Variants in AGBL4 observed in about 807,000 individuals in gnomAD.
AGBL4 encodes cytosolic carboxypeptidase 6.
In AGBL4, 58 loss-of-function variants were observed where a neutral mutation model predicts 66.4. The observed-to-expected ratio is 0.87, with a 90% confidence interval of 0.71 to 1.09. AGBL4 has a LOEUF of 1.09. AGBL4 is among the 50% of genes least tolerant of loss of function. The probability of loss-of-function intolerance (pLI) is 0.00; values close to 1 mark genes in which losing one functional copy is unlikely to be tolerated. For synonymous variants in AGBL4, 234 were observed against 222.9 expected (o/e 1.05, Z -0.44); for missense variants, 579 against 631.0 (o/e 0.92, Z 0.88).
At chr1:48,575,679 T>C (rs1183667868) in intron 11 of AGBL4, among the ~76,000 whole-genome samples, 1 of 152,222 alleles carries the variant, frequency 6.6e-6, no homozygotes, top group Non-Finnish European at 1.5e-5. Context: ...CTCATCCTTC[T>C]AGACTTGGTA....
chr1:49,509,383 G>T (rs1050315095), intron 3 of AGBL4, among the ~76,000 whole-genome samples: 3 of 151,894 alleles, frequency 2.0e-5, no homozygotes, highest in African/African-American at 4.8e-5. Flanking sequence ...ACCTGTGGAG[G>T]TGTTTTATTT....
At chr1:49,270,897 G>A (rs1239349548) in intron 3 of AGBL4, among the ~76,000 whole-genome samples, 2 of 152,078 alleles carry the variant, frequency 1.3e-5, no homozygotes, top group Non-Finnish European at 1.5e-5. Flanking sequence ...AAACATAATA[G>A]TGCCATGATT....
chr1:48,632,028 A>G (rs1645602323), intron 9 of AGBL4, among the ~76,000 whole-genome samples: 2 of 152,164 alleles, frequency 1.3e-5, no homozygotes, highest in African/African-American at 4.8e-5. Context: ...CTTTTTCACT[A>G]GTAGAACCTC....
intron 3 of AGBL4, among the ~76,000 whole-genome samples, chr1:49,611,341 T>C (rs1645150661): frequency 6.6e-6 from 1 of 151,004 alleles, no homozygotes; most frequent in Non-Finnish European, 1.5e-5. Flanking sequence ...ACACGGTGAA[T>C]AGCCCAGTGG....
rs142303736 is a variant in AGBL4, at chr1:48,681,617, T to G, written c.635-18376A>C. On this transcript the variant is annotated intron_variant, in intron 6 of 13. Transcript: ENST00000371839. ...TCGAGTTAACCTCCCAAGTCCTTGATGGAATCAGCCCAGGCTGATGACTAA... is the reference window on the plus strand; with the variant it reads ...TCGAGTTAACCTCCCAAGTCCTTGAGGGAATCAGCCCAGGCTGATGACTAA... 3.7e-4 allele frequency among the ~76,000 whole-genome samples: 56 copies of G among 152,304 alleles called. No individual in the cohort carries two copies. The East Asian group carries it at 8.1e-3, about 22-fold the overall frequency.
At chr1:49,336,469 C>A (rs1645439390) in intron 3 of AGBL4, among the ~76,000 whole-genome samples, 1 of 152,280 alleles carries the variant, frequency 6.6e-6, no homozygotes, top group Admixed American at 6.5e-5. Context: ...TGATGTTTAA[C>A]CAAATATCTG....
chr1:49,235,912 C>T (rs780970740), intron 4 of AGBL4, among the ~76,000 whole-genome samples: 1 of 152,082 alleles, frequency 6.6e-6, no homozygotes, highest in Non-Finnish European at 1.5e-5. Context: ...AAAATATAAA[C>T]TCAAGTCTAT....
rs77692973 is a variant in AGBL4 at position 48,797,198 on chromosome 1, T to C, written c.634+69993A>G. Among the ~76,000 whole-genome samples, 1,241 of 152,330 alleles carry C rather than the reference T, an allele frequency of 8.1e-3. 8 individuals carry two copies. Among genetic ancestry groups the C allele is most frequent in the Non-Finnish European group, 0.013 (893 of 68,022 alleles). ...CTTGTTCCCATTTCAGAATCCTTTCTAATTAATTTTACCAAAGCATAATGA... is the reference window on the plus strand; with the variant it reads ...CTTGTTCCCATTTCAGAATCCTTTCCAATTAATTTTACCAAAGCATAATGA... On this transcript the variant is annotated intron_variant, in intron 6 of 13. Transcript: ENST00000371839.
chr1:48,753,072 A>G (rs1235161204), intron 6 of AGBL4, among the ~76,000 whole-genome samples: 1 of 152,190 alleles, frequency 6.6e-6, no homozygotes, highest in Admixed American at 6.5e-5. Context: ...AAGAACCATA[A>G]TAGCTGATAC....
At chr1:48,852,175 G>A (rs941185451) in intron 6 of AGBL4, among the ~76,000 whole-genome samples, 1 of 152,004 alleles carries the variant, frequency 6.6e-6, no homozygotes, top group African/African-American at 2.4e-5. Flanking sequence ...AGATCAAATG[G>A]CAGATCTAAG....
intron 9 of AGBL4, among the ~76,000 whole-genome samples, chr1:48,618,591 A>G (rs1389779268): frequency 3.9e-5 from 6 of 152,342 alleles, no homozygotes; most frequent in South Asian, 2.1e-4. Context: ...CTGAGATCCT[A>G]GAAGGCCAGA....
chr1:48,587,604 T>A (rs569804289), intron 10 of AGBL4, among the ~76,000 whole-genome samples: 85 of 150,530 alleles, frequency 5.6e-4, no homozygotes, highest in African/African-American at 2.0e-3. Context: ...CTCTATTCTT[T>A]TTATTATTAT....
intron 3 of AGBL4, among the ~76,000 whole-genome samples, chr1:49,278,796 A>G (rs1157154887): frequency 1.3e-5 from 2 of 152,164 alleles, no homozygotes; most frequent in African/African-American, 4.8e-5. Flanking sequence ...AATAAAAATA[A>G]ATATTTATTT....
intron 5 of AGBL4, among the ~76,000 whole-genome samples, chr1:48,872,919 G>A (rs2148831045): frequency 1.3e-5 from 2 of 152,294 alleles, no homozygotes; most frequent in East Asian, 1.9e-4. Flanking sequence ...GCAGAGTGGG[G>A]GAATGCACTG....
chr1:49,896,962 A>G (rs1649287513), intron 1 of AGBL4, among the ~76,000 whole-genome samples: 1 of 152,048 alleles, frequency 6.6e-6, no homozygotes, highest in Non-Finnish European at 1.5e-5. Context: ...AACATACCTC[A>G]ATACAATAAA....
rs1239159886 is a variant in AGBL4 at position 49,637,253 on chromosome 1, CCTGA to C, written c.282+60056_282+60059del. The stretch of plus-strand genomic sequence containing the variant: ...TATTAGTTCTGTTCCTTTAAAGAAC[CCTGA>C]CTAATACAGCAGATAAACTACATAC... On this transcript the variant is annotated intron_variant, in intron 3 of 13. Coordinates refer to ENST00000371839, the MANE Select transcript of AGBL4 (RefSeq NM_032785.4). 1.1e-3 allele frequency among the ~76,000 whole-genome samples: 172 copies of C among 151,950 alleles called. 2 individuals are homozygous for C. The highest frequency in any genetic ancestry group is 4.4e-5 in the Non-Finnish European group (3 of 67,956).
chr1:49,550,464 C>G (rs1333839022), intron 3 of AGBL4, among the ~76,000 whole-genome samples: 2 of 152,150 alleles, frequency 1.3e-5, no homozygotes, highest in African/African-American at 4.8e-5. Flanking sequence ...AGATTTAGCG[C>G]TCCTTTTTGC....
intron 3 of AGBL4, among the ~76,000 whole-genome samples, chr1:49,606,887 T>C (rs1645071921): frequency 6.6e-6 from 1 of 152,078 alleles, no homozygotes; most frequent in Admixed American, 6.6e-5. Flanking sequence ...ACCACATTCA[T>C]GGCATCACAG....
intron 6 of AGBL4, among the ~76,000 whole-genome samples, chr1:48,806,151 C>T (rs1187638127): frequency 6.6e-6 from 1 of 152,130 alleles, no homozygotes; most frequent in African/African-American, 2.4e-5. Context: ...ACACCTTTCA[C>T]ATCTTGGATG....
Sources: gnomAD v4.1 joint callset for allele counts (sites outside exome capture counted in the v4.1 genomes callset) on GRCh38, gnomAD v4.1.1 for gene constraint, MANE v1.5 for transcripts, NCBI Gene and HGNC (gene_info 2026-07-23, HGNC 2026-07-21) for gene names.